BMAL1: variants seen among roughly 807,000 people sequenced by gnomAD.
The protein encoded by BMAL1 is basic helix-loop-helix ARNT like 1.
chr11:13,347,433 T>C, the BMAL1 span, among the ~76,000 whole-genome samples: 1 of 152,206 alleles, frequency 6.6e-6, no homozygotes, highest in African/African-American at 2.4e-5. Context: ...TACCAAAATC[T>C]ATATTAGCAT....
chr11:13,340,354 C>T, the BMAL1 span, among the ~76,000 whole-genome samples: 1 of 152,216 alleles, frequency 6.6e-6, no homozygotes, highest in South Asian at 2.1e-4. Context: ...CTTCGTCTCC[C>T]TAAGGAAATC....
the BMAL1 span, among the ~76,000 whole-genome samples, chr11:13,314,229 C>CCACACACACA: frequency 0.028 from 3,850 of 138,676 alleles, 76 homozygotes; most frequent in East Asian, 0.075. Flanking sequence ...AGGGTGGAGA[C>CCACACACACA]CACACACACA....
chr11:13,288,289 C>T, the BMAL1 span, among the ~76,000 whole-genome samples: 11 of 152,022 alleles, frequency 7.2e-5, no homozygotes, highest in Non-Finnish European at 1.5e-4. Context: ...GTGGTAGATC[C>T]AGGCTTAAAA....
At chr11:13,277,044 A>G in the BMAL1 span, 1 of 152,266 alleles carries the variant, frequency 6.6e-6, no homozygotes, top group East Asian at 1.9e-4. Context: ...CCAGTGGGAC[A>G]CTTGGAGGTC....
the BMAL1 span, among the ~76,000 whole-genome samples, chr11:13,301,439 A>G: frequency 3.8e-4 from 58 of 152,328 alleles, no homozygotes; most frequent in African/African-American, 1.3e-3. Context: ...GTTAAAACCA[A>G]TGGTTATTCA....
chr11:13,290,287 A>T, the BMAL1 span, among the ~76,000 whole-genome samples: 3 of 152,230 alleles, frequency 2.0e-5, no homozygotes, highest in Non-Finnish European at 4.4e-5. Flanking sequence ...TTAGGCATGG[A>T]TAGCCATGTG....
the BMAL1 span, chr11:13,376,498 A>G: frequency 2.5e-6 from 2 of 800,412 alleles, no homozygotes; most frequent in African/African-American, 1.7e-5. Flanking sequence ...AAACAGTGAG[A>G]CCTGTTTACC....
At chr11:13,363,850 A>G in the BMAL1 span, among the ~76,000 whole-genome samples, 1 of 151,976 alleles carries the variant, frequency 6.6e-6, no homozygotes, top group African/African-American at 2.4e-5. Flanking sequence ...TCTGCTCCTT[A>G]GCTGTCCTTC....
the BMAL1 span, among the ~76,000 whole-genome samples, chr11:13,319,670 T>C: frequency 3.3e-5 from 5 of 152,234 alleles, no homozygotes; most frequent in Non-Finnish European, 7.3e-5. Flanking sequence ...AAAAGTTCCC[T>C]AAATACTGTA....
chr11:13,356,993 G>T, the BMAL1 span: 1 of 1,611,562 alleles, frequency 6.2e-7, no homozygotes, highest in Non-Finnish European at 8.5e-7. Flanking sequence ...ACAGCAATGT[G>T]TAACTTTGCC....
chr11:13,289,661 C>G, the BMAL1 span, among the ~76,000 whole-genome samples: 1 of 152,130 alleles, frequency 6.6e-6, no homozygotes, highest in Non-Finnish European at 1.5e-5. Flanking sequence ...TGATAGTTTG[C>G]TCAGAATGAT....
the BMAL1 span, among the ~76,000 whole-genome samples, chr11:13,357,491 A>T: frequency 6.6e-6 from 1 of 152,108 alleles, no homozygotes; most frequent in Non-Finnish European, 1.5e-5. This position sits in a 1 kb window ranked among gnomAD's most constrained non-coding sequence, Gnocchi z 4.8. Context: ...GCGAGTTGCA[A>T]CTGAATGCAC....
At chr11:13,369,521 T>C in the BMAL1 span, 43 of 1,406,218 alleles carry the variant, frequency 3.1e-5, no homozygotes, top group South Asian at 4.5e-4. Flanking sequence ...TATAAAACAG[T>C]GAGGCAGGCA....
chr11:13,276,907 C>T, the BMAL1 span: 1 of 152,248 alleles, frequency 6.6e-6, no homozygotes, highest in Non-Finnish European at 1.5e-5. Context: ...CTTTTTGCAG[C>T]AGAGAGCGCT....
the BMAL1 span, among the ~76,000 whole-genome samples, chr11:13,321,232 T>A: frequency 2.8e-3 from 421 of 151,952 alleles, 3 homozygotes; most frequent in African/African-American, 9.0e-3. Context: ...GTAGCTGGGG[T>A]TTTTTTTGCA....
At chr11:13,369,222 TCTC>T in the BMAL1 span, among the ~76,000 whole-genome samples, 3 of 152,342 alleles carry the variant, frequency 2.0e-5, no homozygotes, top group South Asian at 2.1e-4. Context: ...CCAAGTTCCT[TCTC>T]CTCTGGGAAG....
At chr11:13,364,619 C>T in the BMAL1 span, among the ~76,000 whole-genome samples, 142 of 152,256 alleles carry the variant, frequency 9.3e-4, no homozygotes, top group African/African-American at 3.4e-3. Context: ...AAGACCCCAG[C>T]AGGAGTTGAG....
At chr11:13,305,936 A>G in the BMAL1 span, among the ~76,000 whole-genome samples, 74 of 152,296 alleles carry the variant, frequency 4.9e-4, no homozygotes, top group African/African-American at 1.6e-3. Flanking sequence ...CTCAGTTCCA[A>G]GTCTGAGCTA....
chr11:13,287,626 A>G, the BMAL1 span, among the ~76,000 whole-genome samples: 1 of 152,176 alleles, frequency 6.6e-6, no homozygotes, highest in South Asian at 2.1e-4. Flanking sequence ...TTGGTCTTGC[A>G]AGGTACTTTG....
Sources: allele counts gnomAD v4.1 joint callset (sites outside exome capture counted in the v4.1 genomes callset), GRCh38; gene constraint gnomAD v4.1.1; non-coding constraint Gnocchi (gnomAD v3.1); transcripts MANE v1.5; gene names NCBI Gene and HGNC (gene_info 2026-07-23, HGNC 2026-07-21).